The following ZCCHC14 variants were observed in gnomAD, a reference collection of about 807,000 sequenced individuals.
ZCCHC14 encodes the protein zinc finger CCHC domain-containing protein 14.
In ZCCHC14, 16 loss-of-function variants were observed where a neutral mutation model predicts 85.0. The ratio of observed to expected loss-of-function variants is 0.19; its 90% confidence interval spans 0.13 to 0.29. ZCCHC14 has a LOEUF of 0.29. ZCCHC14 is among the 10% of genes least tolerant of loss of function. ZCCHC14 has a pLI of 1.00. For missense variants in ZCCHC14, 1,303 were observed against 1,443.5 expected (o/e 0.90, Z 1.58); for synonymous variants, 775 against 630.7 (o/e 1.23, Z -3.43).
chr16:87,435,510 G>C (rs1714506122), intron 2 of ZCCHC14, among the ~76,000 whole-genome samples: 1 of 152,238 alleles, frequency 6.6e-6, no homozygotes, highest in Admixed American at 6.5e-5. Flanking sequence ...CCTGCTCCTG[G>C]AGCCAACGAC....
chr16:87,432,669 C>A (rs1458053110), intron 3 of ZCCHC14, among the ~76,000 whole-genome samples: 2 of 152,188 alleles, frequency 1.3e-5, no homozygotes, highest in African/African-American at 4.8e-5. Context: ...CCGGGAAACA[C>A]AATACTGCTC....
Position 87,492,852 on chromosome 16 carries a change from G to T in ZCCHC14, c.-614C>A, listed in dbSNP as rs148800232. Among the ~76,000 whole-genome samples, 19,150 of 147,982 alleles carry T rather than the reference G, an allele frequency of 0.13. 1,861 individuals are homozygous for T. The highest frequency in any genetic ancestry group is 0.44 in the East Asian group (2,211 of 5,014). On this transcript the variant is annotated 5_prime_UTR_variant, in exon 1 of 13. Coordinates refer to ENST00000671377, the MANE Select transcript of ZCCHC14 (RefSeq NM_015144.3). This position sits in a 1 kb window ranked among gnomAD's most constrained non-coding sequence, Gnocchi z 6.7. ...CGCGGCGGGAGGCGCGGAGGGATCC[G>T]GCCGGGACTTGCCGGCCTTGCTGCT... is the stretch of plus-strand genomic sequence containing the variant.
At chr16:87,444,743 G>C (rs1457459478) in intron 2 of ZCCHC14, among the ~76,000 whole-genome samples, 1 of 152,192 alleles carries the variant, frequency 6.6e-6, no homozygotes, top group Non-Finnish European at 1.5e-5. Context: ...GGTCATGAAA[G>C]ACAAGGGAAG....
chr16:87,431,171 G>C (rs1302451984), intron 3 of ZCCHC14, among the ~76,000 whole-genome samples: 2 of 147,046 alleles, frequency 1.4e-5, no homozygotes, highest in Non-Finnish European at 3.0e-5. Context: ...AAATGAGAAA[G>C]GAAAGGAAAA....
At chr16:87,423,132 C>T (rs920640310) in intron 4 of ZCCHC14, among the ~76,000 whole-genome samples, 1 of 152,236 alleles carries the variant, frequency 6.6e-6, no homozygotes, top group Non-Finnish European at 1.5e-5. Flanking sequence ...CTGAGACAGT[C>T]GTTCACGCTA....
chr16:87,456,978 T>C (rs1174093039), intron 2 of ZCCHC14, among the ~76,000 whole-genome samples: 1 of 152,242 alleles, frequency 6.6e-6, no homozygotes, highest in Non-Finnish European at 1.5e-5. Flanking sequence ...TTGAGAGTAT[T>C]AGTAAAAGCA....
Position 87,412,448 on chromosome 16 carries a change from G to C in ZCCHC14, c.2273C>G (p.Ala758Gly). 6.2e-7 allele frequency: 1 copy of C among 1,613,954 alleles called. No individual in the cohort carries two copies. Among genetic ancestry groups the C allele is most frequent in the East Asian group, 2.2e-5 (1 of 44,874 alleles). ...QPALVVETSTAATGTPSTVLH... is the reference protein window; with the variant it reads ...QPALVVETSTGATGTPSTVLH... ...GACTGTGCTGGGCGTCCCCGTGGCG[G>C]CCGTGCTGGTCTCCACGACCAGGGC... Residue 758 changes from alanine to glycine, a missense_variant, in exon 12 of 13, where the codon GCC (alanine) becomes GGC (glycine). Around this residue, in one of 7 missense-constraint regions of ZCCHC14, gnomAD observed 797 missense variants for 730.8 expected, o/e 1.09. Transcript: ENST00000671377.
chr16:87,423,844 T>C lies in ZCCHC14; in HGVS notation c.806A>G (p.Lys269Arg). The change falls in exon 4 of 13, where the codon AAA (lysine) becomes AGA (arginine). Residue 269 changes from lysine (K) to arginine (R), a missense_variant. Physicochemically the swap from Lys to Arg is conservative, Grantham distance 26. Transcript: ENST00000671377. ...WSDSSITSVT[K>R]SSSEVTEFIS... ...AAATTCCGTCACTTCAGAGGAAGAT[T>C]TGGTTACTGATGTTATTGAAGAATC... 6.2e-7 allele frequency: 1 copy of C among 1,614,176 alleles called. No homozygotes were observed. Among genetic ancestry groups the C allele is most frequent in the Non-Finnish European group, 8.5e-7 (1 of 1,180,018 alleles).
At chr16:87,422,766 G>C (rs73240809) in intron 4 of ZCCHC14, among the ~76,000 whole-genome samples, 4,886 of 151,848 alleles carry the variant, frequency 0.032, 112 homozygotes, top group Middle Eastern at 0.099. Context: ...AAAACACTGA[G>C]ACAAAAGCCC....
At chr16:87,475,444 T>C (rs1911960705) in intron 1 of ZCCHC14, among the ~76,000 whole-genome samples, 2 of 150,290 alleles carry the variant, frequency 1.3e-5, no homozygotes, top group South Asian at 4.2e-4. Flanking sequence ...TCCCAGCTAC[T>C]TGGGAGGTTG....
chr16:87,483,733 G>A (rs1185591077), intron 1 of ZCCHC14, among the ~76,000 whole-genome samples: 2 of 152,210 alleles, frequency 1.3e-5, no homozygotes, highest in African/African-American at 4.8e-5. Context: ...GTATGTGGCT[G>A]TGGGAATTCT....
intron 1 of ZCCHC14, among the ~76,000 whole-genome samples, chr16:87,479,926 T>G (rs1377465788): frequency 6.6e-6 from 1 of 151,798 alleles, no homozygotes; most frequent in East Asian, 1.9e-4. Flanking sequence ...GTATGCCAGT[T>G]TTTTCTTCTT....
At chr16:87,426,482 T>C (rs1909377718) in intron 3 of ZCCHC14, among the ~76,000 whole-genome samples, 1 of 152,218 alleles carries the variant, frequency 6.6e-6, no homozygotes, top group African/African-American at 2.4e-5. Flanking sequence ...CAAAGCCCAA[T>C]GTGCACACAG....
chr16:87,474,597 T>C (rs896218764), intron 1 of ZCCHC14, among the ~76,000 whole-genome samples: 1 of 152,138 alleles, frequency 6.6e-6, no homozygotes, highest in Non-Finnish European at 1.5e-5. Flanking sequence ...GGAGGGAGCC[T>C]GTGCCCAGAG....
intron 2 of ZCCHC14, among the ~76,000 whole-genome samples, chr16:87,440,402 T>G (rs1910127199): frequency 6.6e-6 from 1 of 152,150 alleles, no homozygotes; most frequent in African/African-American, 2.4e-5. Flanking sequence ...TAACCTCAAG[T>G]GATCCACCCA....
chr16:87,458,812 T>C (rs748439891), intron 2 of ZCCHC14, among the ~76,000 whole-genome samples: 94 of 152,170 alleles, frequency 6.2e-4, no homozygotes, highest in Admixed American at 1.6e-3. Flanking sequence ...ACAGGGAGAA[T>C]AGAGGCCAGC....
intron 2 of ZCCHC14, among the ~76,000 whole-genome samples, chr16:87,453,399 G>A (rs979687941): frequency 5.3e-5 from 8 of 152,280 alleles, no homozygotes; most frequent in Non-Finnish European, 7.3e-5. Context: ...GCAGAACATG[G>A]GAGGGTGCGG....
chr16:87,424,609 C>T (rs1909274683), intron 3 of ZCCHC14, among the ~76,000 whole-genome samples: 1 of 152,124 alleles, frequency 6.6e-6, no homozygotes, highest in South Asian at 2.1e-4. Context: ...GGGGAAGGGG[C>T]GGTGTCTTTT....
intron 1 of ZCCHC14, among the ~76,000 whole-genome samples, chr16:87,487,799 G>C (rs8058599): frequency 0.18 from 27,521 of 152,246 alleles, 3,030 homozygotes; most frequent in East Asian, 0.45. Context: ...AACGCCACTC[G>C]GCAGCGAAAG....
Sources: gnomAD v4.1 joint callset for allele counts (sites outside exome capture counted in the v4.1 genomes callset) on GRCh38, gnomAD v4.1.1 for gene constraint, gnomAD v4.1.1 regional missense constraint, Gnocchi (gnomAD v3.1) non-coding constraint, MANE v1.5 for transcripts, NCBI Gene and HGNC (gene_info 2026-07-23, HGNC 2026-07-21) for gene names.